The following SLC6A12 variants were observed in gnomAD, a reference collection of about 807,000 sequenced individuals.
SLC6A12 encodes sodium- and chloride-dependent betaine transporter.
In SLC6A12, 50 loss-of-function variants were observed where a neutral mutation model predicts 73.3. That is an observed-to-expected ratio of 0.68 (90% CI 0.54 to 0.86). The LOEUF (loss-of-function observed/expected upper bound fraction) is 0.86. Ranked by LOEUF, SLC6A12 falls within the 40% of genes least tolerant of loss-of-function variation. The pLI, the probability that SLC6A12 is intolerant of heterozygous loss-of-function variation, is 0.00. For missense variants in SLC6A12, 648 were observed against 772.8 expected, an observed-to-expected ratio of 0.84 and a Z score of 1.92; for synonymous variants, 304 against 309.2, an observed-to-expected ratio of 0.98 and a Z score of 0.18.
At chr12:206,591 G>A (rs1476233251) in intron 3 of SLC6A12, among the ~76,000 whole-genome samples, 1 of 152,252 alleles carries the variant, frequency 6.6e-6, no homozygotes, top group Non-Finnish European at 1.5e-5. Context: ...ACAGCAATAT[G>A]TGGGAGAAGG....
chr12:204,915 A>G (rs930731650), intron 3 of SLC6A12: 1 of 522,042 alleles, frequency 1.9e-6, no homozygotes, highest in Non-Finnish European at 3.4e-6. Flanking sequence ...ACAGAATGAG[A>G]AAGGCCTTGG....
chr12:185,128 TA>T (rs1565460497), downstream of SLC6A12, among the ~76,000 whole-genome samples: 1 of 152,126 alleles, frequency 6.6e-6, no homozygotes. Flanking sequence ...TAAAACACCC[TA>T]AAGAACCAAG....
At chr12:200,172 T>G (rs374587132) in intron 7 of SLC6A12, among the ~76,000 whole-genome samples, 2,928 of 148,558 alleles carry the variant, frequency 0.02, 45 homozygotes, top group African/African-American at 0.037. Flanking sequence ...GCAGTGGCGC[T>G]ATCTCGGCTC....
chr12:186,477 G>C (rs138362815), downstream of SLC6A12, among the ~76,000 whole-genome samples: 2 of 152,230 alleles, frequency 1.3e-5, no homozygotes, highest in African/African-American at 4.8e-5. Flanking sequence ...GGCATTTGGG[G>C]CCCACTTGGC....
intron 3 of SLC6A12, among the ~76,000 whole-genome samples, chr12:208,490 T>C (rs1940760229): frequency 6.6e-6 from 1 of 152,212 alleles, no homozygotes; most frequent in Non-Finnish European, 1.5e-5. Flanking sequence ...GAGTATTCCT[T>C]TCTACCTTCC....
chr12:192,270 G>GTCTAGGAC (rs1939636591), intron 15 of SLC6A12, among the ~76,000 whole-genome samples: 1 of 152,144 alleles, frequency 6.6e-6, no homozygotes, highest in Non-Finnish European at 1.5e-5. Flanking sequence ...GAGTCTGTAG[G>GTCTAGGAC]TCTAGGACTC....
In SLC6A12 at chr12:198,527, G is replaced by A. The variant is rs773674235; in HGVS notation, c.846+270C>T. 20 of 338,338 alleles carry A rather than the reference G, an allele frequency of 5.9e-5. No homozygotes were observed. The Admixed American group carries it at 6.7e-4, about 11-fold the overall frequency. The allele number at this position is 338,338 out of a possible 1,614,324, so 21.0% of individuals were successfully genotyped here. ...TGCAGTGAGCTATGATGGCACCACT[G>A]CACTCCAGCCTGGGGGACAGAGCCA... On this transcript the variant is annotated intron_variant, in intron 8 of 15. Coordinates refer to ENST00000684302, the MANE Select transcript of SLC6A12 (RefSeq NM_001122848.3). The surrounding 1 kb of genome is among the most constrained non-coding windows in gnomAD (Gnocchi z 4.0).
chr12:210,097 T>G (rs1418700237), intron 2 of SLC6A12, 54 bp from the exon 3 acceptor site: 5 of 1,486,188 alleles, frequency 3.4e-6, no homozygotes, highest in Non-Finnish European at 4.5e-6. Flanking sequence ...CCGCCAGCCC[T>G]GCTTTCCCAT....
At chr12:202,026 G>A (rs963649416) in intron 5 of SLC6A12, among the ~76,000 whole-genome samples, 177 bp from the exon 6 acceptor site, 1 of 152,186 alleles carries the variant, frequency 6.6e-6, no homozygotes, top group Non-Finnish European at 1.5e-5. Flanking sequence ...TCCTCCCCCT[G>A]CTCTTGTTCC....
chr12:208,580 A>G (rs1206056059), intron 3 of SLC6A12, among the ~76,000 whole-genome samples: 5 of 152,226 alleles, frequency 3.3e-5, no homozygotes, highest in African/African-American at 1.2e-4. Context: ...GCCAAAAAAA[A>G]TGAATCTAAC....
the SLC6A12 span, among the ~76,000 whole-genome samples, chr12:184,061 A>C: frequency 6.6e-6 from 1 of 152,182 alleles, no homozygotes; most frequent in African/African-American, 2.4e-5. Flanking sequence ...TTCTAAACAC[A>C]ATATTAGCAA....
intron 2 of SLC6A12, among the ~76,000 whole-genome samples, chr12:211,432 G>C (rs1433164385): frequency 6.6e-6 from 1 of 152,230 alleles, no homozygotes; most frequent in Non-Finnish European, 1.5e-5. Flanking sequence ...TCCACTGTAA[G>C]CTCAGCCCAG....
rs764330622 is a variant in SLC6A12, at chr12:197,554, G to C, written c.951-53C>G. The C allele has an allele frequency of 3.4e-4, 540 of 1,569,118 alleles. 1 individual carries two copies. The highest frequency in any genetic ancestry group is 4.1e-4 in the Non-Finnish European group (472 of 1,155,980). On this transcript the variant is annotated intron_variant, in intron 9 of 15. Coordinates refer to ENST00000684302, the MANE Select transcript of SLC6A12 (RefSeq NM_001122848.3). ...GAACGGGGAGGAAAAGAGAGGAAGA[G>C]AGAGAGATCAGTCATGGGAGGAGAG...
chr12:193,164 C>T, intron 14 of SLC6A12, 113 bp downstream of exon 14: 1 of 768,738 alleles, frequency 1.3e-6, no homozygotes. Flanking sequence ...GACCAGGCCC[C>T]ACGGGAGACT....
downstream of SLC6A12, among the ~76,000 whole-genome samples, chr12:188,504 A>G (rs1266610443): frequency 6.6e-6 from 1 of 152,314 alleles, no homozygotes; most frequent in Admixed American, 6.5e-5. Flanking sequence ...GGCCTTGGCC[A>G]GCCCAGAAAG....
At position 192,513 on chromosome 12, in the gene SLC6A12, T is replaced by A; in HGVS notation, c.1666A>T (p.Ile556Phe). The A allele has an allele frequency of 6.2e-7, 1 of 1,614,016 alleles. No homozygotes were observed. The highest frequency in any genetic ancestry group is 8.5e-7 in the Non-Finnish European group (1 of 1,180,008). Residue 556 changes from isoleucine (I) to phenylalanine (F), a missense_variant, in exon 15 of 16, where the codon ATC becomes TTC. Physicochemically the swap from Ile to Phe is conservative, Grantham distance 21. Transcript: ENST00000684302. ...SMVCVPLFVV[I>F]TLLKTRGPFR... Reference sequence around the variant, plus strand: ...GGACCCCGAGTCTTCAGGAGGGTGATGACGACGAAGAGTGGGACACAGACC... The same window carrying A: ...GGACCCCGAGTCTTCAGGAGGGTGAAGACGACGAAGAGTGGGACACAGACC...
rs114384788 is a variant in SLC6A12 at position 207,087 on chromosome 12, G to A, written c.215-2389C>T. Reference sequence around the variant, plus strand: ...CAGATGAAGAGGTTGTTTCTGGAGCGCGTTAGGGCGTCCTCTACCCTTGGG... The same window carrying A: ...CAGATGAAGAGGTTGTTTCTGGAGCACGTTAGGGCGTCCTCTACCCTTGGG... On this transcript the variant is annotated intron_variant, in intron 3 of 15. Coordinates refer to ENST00000684302, the MANE Select transcript of SLC6A12 (RefSeq NM_001122848.3). Among the ~76,000 whole-genome samples the A allele has an allele frequency of 7.8e-3, 1,191 of 152,360 alleles. 16 individuals carry two copies. The highest frequency in any genetic ancestry group is 0.027 in the African/African-American group (1,141 of 41,580).
Position 210,011 on chromosome 12 carries a change from C to G in SLC6A12, c.-25G>C, listed in dbSNP as rs1182029073. 9 of 1,611,064 alleles carry G rather than the reference C, an allele frequency of 5.6e-6. No homozygotes were observed. In the African/African-American group the frequency reaches 1.1e-4, roughly 19 times the overall value. On this transcript the variant is annotated 5_prime_UTR_variant, in exon 3 of 16. Coordinates refer to ENST00000684302, the MANE Select transcript of SLC6A12 (RefSeq NM_001122848.3). ...TGGCTGTGTGGTGGGTTGGGAAGCC[C>G]CGCTGGGTGGGCAGGATGACGAGGG...
At chr12:197,798 T>C in intron 9 of SLC6A12, 102 bp downstream of exon 9, 2 of 814,688 alleles carry the variant, frequency 2.5e-6, no homozygotes, top group Non-Finnish European at 4.0e-6. Flanking sequence ...CAACGTATAA[T>C]GAATAAGGAA....
Sources: allele counts gnomAD v4.1 joint callset (sites outside exome capture counted in the v4.1 genomes callset), GRCh38; gene constraint gnomAD v4.1.1; non-coding constraint Gnocchi (gnomAD v3.1); transcripts MANE v1.5; gene names NCBI Gene and HGNC (gene_info 2026-07-23, HGNC 2026-07-21).